Variants in ACADSB observed in about 807,000 individuals in gnomAD.
ACADSB encodes acyl-CoA dehydrogenase short/branched chain.
Under a neutral mutation model 54.1 loss-of-function variants are expected in ACADSB, and 40 were observed. The ratio of observed to expected loss-of-function variants is 0.74; its 90% CI spans 0.57 to 0.96. The LOEUF (loss-of-function observed/expected upper bound fraction) is 0.96, where lower values mean the gene tolerates loss of function less well. Among genes scored for constraint, ACADSB ranks in the 40% least tolerant of loss-of-function variants. The pLI is 0.00. For missense variants in ACADSB, 530 were observed against 510.4 expected, an observed-to-expected ratio of 1.04 and a Z score of -0.37; for synonymous variants, 182 against 182.8, an observed-to-expected ratio of 1.00 and a Z score of 0.03.
In ACADSB at chr10:123,034,401, C is replaced by T. The variant is rs758710434; in HGVS notation, c.88C>T (p.Pro30Ser). The change falls in exon 2 of 11, where the codon CCT becomes TCT. Residue 30 changes from proline to serine, a missense_variant. Pro to Ser is a moderately conservative substitution (Grantham distance 74, BLOSUM62 -1). Coordinates refer to ENST00000358776, the MANE Select transcript of ACADSB (RefSeq NM_001609.4). ...TTGTTTGTCTTCTTGGAAGATTCCT[C>T]CTCATGTCTCAAAATCTTCCCAGTC... ...LTCLSSWKIP[P>S]HVSKSSQSEA... is the part of the protein sequence containing the mutation. 6.2e-7 allele frequency: 1 copy of T among 1,613,708 alleles called. No homozygotes were observed. The highest frequency in any genetic ancestry group is 1.1e-5 in the South Asian group (1 of 91,084).
intron 2 of ACADSB, 83 bp downstream of exon 2, chr10:123,034,598 C>G: frequency 6.8e-7 from 1 of 1,465,108 alleles, no homozygotes; most frequent in South Asian, 1.1e-5. Flanking sequence ...TCACTGCAGC[C>G]CCACCTCTGG....
At chr10:123,044,743 C>T (rs908619804) in intron 7 of ACADSB, among the ~76,000 whole-genome samples, 2 of 151,904 alleles carry the variant, frequency 1.3e-5, no homozygotes, top group Non-Finnish European at 2.9e-5. Flanking sequence ...ATACCTGAAC[C>T]GATAGCTTTT....
In ACADSB at chr10:123,041,397, A is replaced by C. The variant is rs998839168; in HGVS notation, c.681+18A>C. On this transcript the variant is annotated intron_variant, in intron 5 of 10. Coordinates refer to ENST00000358776, the MANE Select transcript of ACADSB (RefSeq NM_001609.4). ...CTACCATTGTAAGTTTGAAAACGAA[A>C]TTTCTTTCTTTTTCCAAACCCCTTC... 1.1e-5 allele frequency: 18 copies of C among 1,613,604 alleles called. No individual in the cohort carries two copies. The East Asian group carries it at 1.8e-4, about 16-fold the overall frequency.
Position 123,009,078 on chromosome 10 carries a change from G to A in ACADSB, c.42+7G>A. 6.5e-7 allele frequency: 1 copy of A among 1,545,720 alleles called. No individual in the cohort carries two copies. Among genetic ancestry groups the A allele is most frequent in the Admixed American group, 2.0e-5 (1 of 50,988 alleles). On this transcript the variant is annotated splice_region_variant and intron_variant, in intron 1 of 10. Transcript: ENST00000358776. ...GCTGCGCGGCAGCAGGCTGGTGAGT[G>A]CGTTCGAGGCTGGCGTCCTGGGGGC...
intron 6 of ACADSB, among the ~76,000 whole-genome samples, chr10:123,043,473 C>A (rs1156495424): frequency 6.6e-6 from 1 of 152,148 alleles, no homozygotes; most frequent in East Asian, 1.9e-4. Context: ...GACTTGTGAA[C>A]CAAATGGGGC....
At position 123,051,317 on chromosome 10, in the gene ACADSB, G is replaced by A. The variant is rs1023410406; in HGVS notation, c.1128+131G>A. On this transcript the variant is annotated intron_variant, in intron 9 of 10. Transcript: ENST00000358776. ...TTGTTTTTCAAGTTAAGATAACATG[G>A]ACTTTTATTTCTTATAATAGAAAAG... 3.4e-6 allele frequency: 4 copies of A among 1,187,696 alleles called. No homozygotes were observed. In the African/African-American group the frequency reaches 6.3e-5, roughly 19 times the overall value. The allele number at this position is 1,187,696 out of a possible 1,614,324, so 73.6% of individuals were successfully genotyped here. A position where few individuals can be genotyped will look rare whatever the true frequency, so the allele number is the denominator to read the frequency against.
At chr10:123,043,217 C>T (rs1028011063) in intron 6 of ACADSB, 46 bp downstream of exon 6, 1 of 1,609,668 alleles carries the variant, frequency 6.2e-7, no homozygotes, top group Non-Finnish European at 8.5e-7. Flanking sequence ...CGAAATAAGC[C>T]TTGCATGGAA....
At chr10:123,014,850 A>G (rs904948544) in intron 1 of ACADSB, among the ~76,000 whole-genome samples, 5 of 152,380 alleles carry the variant, frequency 3.3e-5, no homozygotes, top group Admixed American at 6.5e-5. Flanking sequence ...GCAAAGGTGT[A>G]GAGGTAGGAA....
chr10:123,051,880 G>A (rs538732487), intron 9 of ACADSB, among the ~76,000 whole-genome samples: 1 of 152,208 alleles, frequency 6.6e-6, no homozygotes, highest in East Asian at 1.9e-4. Context: ...CAGAACCTGA[G>A]CGTCATCTTG....
chr10:123,045,848 A>G (rs550542831), intron 7 of ACADSB, among the ~76,000 whole-genome samples: 8 of 152,354 alleles, frequency 5.3e-5, no homozygotes, highest in Admixed American at 3.9e-4. Context: ...TCCAAGTTAT[A>G]TAATAACCTA....
rs3833736 is a variant in ACADSB, at chr10:123,051,230, C to CT, written c.1128+54dup. 0.65 allele frequency: 640,474 copies of CT among 979,878 alleles called. 171,035 individuals carry two copies. The highest frequency in any genetic ancestry group is 0.73 in the African/African-American group (38,375 of 52,412). The allele number at this position is 979,878 out of a possible 1,614,324, so 60.7% of individuals were successfully genotyped here. A position where few individuals can be genotyped will look rare whatever the true frequency, so the allele number is the denominator to read the frequency against. ...AAAAAAAAGGAAAAAGTAATTCAGC[C>CT]TTTTTTTTTTCAGATATATACTTAT... On this transcript the variant is annotated intron_variant, in intron 9 of 10. Transcript: ENST00000358776.
chr10:123,022,778 G>A (rs998380798), intron 1 of ACADSB, among the ~76,000 whole-genome samples: 7 of 152,002 alleles, frequency 4.6e-5, no homozygotes, highest in Non-Finnish European at 8.8e-5. Flanking sequence ...ATCAGATATG[G>A]GCATTTATAC....
At chr10:123,024,237 G>A (rs2133463808) in intron 1 of ACADSB, among the ~76,000 whole-genome samples, 1 of 152,374 alleles carries the variant, frequency 6.6e-6, no homozygotes, top group East Asian at 1.9e-4. Flanking sequence ...TAGAGGAAGG[G>A]AAGAATTTAG....
At chr10:123,025,491 A>AATT (rs1850239750) in intron 1 of ACADSB, among the ~76,000 whole-genome samples, 1 of 149,782 alleles carries the variant, frequency 6.7e-6, no homozygotes, top group Non-Finnish European at 1.5e-5. Flanking sequence ...ATAAATAAAT[A>AATT]AAATAATGTG....
chr10:123,018,581 T>C (rs757624013), intron 1 of ACADSB, among the ~76,000 whole-genome samples: 6 of 152,142 alleles, frequency 3.9e-5, no homozygotes, highest in Non-Finnish European at 7.4e-5. Flanking sequence ...GGCTTGGGGA[T>C]ATAAAATTGG....
chr10:123,047,308 T>G lies in ACADSB; in HGVS notation c.990+10T>G. On this transcript the variant is annotated intron_variant, in intron 8 of 10. Coordinates refer to ENST00000358776, the MANE Select transcript of ACADSB (RefSeq NM_001609.4). ...ACTATTTGATTTTCAGGTATGTAAT[T>G]ATTAGGGTCTTTCTGCTGTGTTAGA... The G allele has an allele frequency of 6.5e-7, 1 of 1,532,756 alleles. No individual in the cohort carries two copies. The highest frequency in any genetic ancestry group is 9.0e-7 in the Non-Finnish European group (1 of 1,105,904). 94.9% of individuals were successfully genotyped at this position (1,532,756 alleles called of 1,614,324 possible). A position where few individuals can be genotyped will look rare whatever the true frequency, so the allele number is the denominator to read the frequency against.
chr10:123,034,338 T>C lies in ACADSB; in HGVS notation c.43-18T>C. On this transcript the variant is annotated intron_variant, in intron 1 of 10. Transcript: ENST00000358776. ...GATATTCAAGTACCTTTCTTTCATG[T>C]GTGTATGTTCCCTACAGCTAAGAAG... 1 of 1,611,938 alleles carries C rather than the reference T, an allele frequency of 6.2e-7. No individual in the cohort carries two copies.
intron 1 of ACADSB, among the ~76,000 whole-genome samples, chr10:123,012,094 T>C (rs1850044082): frequency 6.7e-6 from 1 of 148,796 alleles, no homozygotes; most frequent in African/African-American, 2.5e-5. Context: ...CAAGCGATCC[T>C]CCCACCTCAC....
At chr10:123,015,710 T>G (rs899829266) in intron 1 of ACADSB, among the ~76,000 whole-genome samples, 1 of 152,230 alleles carries the variant, frequency 6.6e-6, no homozygotes, top group African/African-American at 2.4e-5. Context: ...TAGAAATTGA[T>G]CTACAGTTTC....
Sources: gnomAD v4.1 joint callset for allele counts (sites outside exome capture counted in the v4.1 genomes callset) on GRCh38, gnomAD v4.1.1 for gene constraint, MANE v1.5 for transcripts, NCBI Gene and HGNC (gene_info 2026-07-23, HGNC 2026-07-21) for gene names.